Variants in NBAS observed in about 807,000 individuals in gnomAD.
NBAS encodes NBAS subunit of NRZ tethering complex, also known as NAG/BC035112 fusion.
In NBAS, 219 loss-of-function variants were observed where a neutral mutation model predicts 302.5. The observed-to-expected ratio is 0.72, with a 90% confidence interval of 0.65 to 0.81. The LOEUF is 0.81. NBAS is among the 30% of genes least tolerant of loss of function. NBAS has a pLI of 0.00. For missense variants in NBAS, 2,932 were observed against 2,841.6 expected (o/e 1.03, Z -0.72); for synonymous variants, 1,118 against 1,021.6 (o/e 1.09, Z -1.80).
chr2:15,293,107 T>C (rs1036666229), intron 40 of NBAS, among the ~76,000 whole-genome samples: 1 of 152,232 alleles, frequency 6.6e-6, no homozygotes, highest in South Asian at 2.1e-4. Flanking sequence ...GCCAACCATC[T>C]GATCACTCAC....
chr2:15,372,320 A>G (rs1197511255), intron 31 of NBAS, among the ~76,000 whole-genome samples: 2 of 152,234 alleles, frequency 1.3e-5, no homozygotes, highest in Non-Finnish European at 2.9e-5. Flanking sequence ...TCATTTTTAC[A>G]TGCGACTTCT....
chr2:15,447,880 G>A (rs1487071584), intron 21 of NBAS, among the ~76,000 whole-genome samples: 3 of 152,156 alleles, frequency 2.0e-5, no homozygotes, highest in African/African-American at 7.2e-5. Context: ...CCAGAAGCTA[G>A]GAAATCCAAA....
At chr2:15,033,103 G>A in the NBAS span, among the ~76,000 whole-genome samples, 1 of 152,218 alleles carries the variant, frequency 6.6e-6, no homozygotes. Context: ...CAGTGGGTCT[G>A]GAAAGTGGAA....
At chr2:15,270,410 A>G (rs1286940265) in intron 44 of NBAS, among the ~76,000 whole-genome samples, 1 of 152,000 alleles carries the variant, frequency 6.6e-6, no homozygotes, top group Non-Finnish European at 1.5e-5. Flanking sequence ...AGATCCACCC[A>G]CCTTGGGCTC....
the NBAS span, among the ~76,000 whole-genome samples, chr2:15,081,316 A>T: frequency 5.9e-5 from 9 of 151,716 alleles, no homozygotes; most frequent in Non-Finnish European, 1.3e-4. Flanking sequence ...TCAGGAGGCA[A>T]CTCCAAGGAG....
At chr2:14,811,451 C>T in the NBAS span, among the ~76,000 whole-genome samples, 9 of 152,142 alleles carry the variant, frequency 5.9e-5, no homozygotes, top group African/African-American at 1.9e-4. Flanking sequence ...CATTTTTAGA[C>T]AGTGGTTCTT....
At chr2:15,399,844 C>T (rs1676061556) in intron 26 of NBAS, among the ~76,000 whole-genome samples, 1 of 151,952 alleles carries the variant, frequency 6.6e-6, no homozygotes, top group African/African-American at 2.4e-5. Context: ...TTCAGAATGC[C>T]ATTGAACTTC....
chr2:14,783,225 G>A, the NBAS span, among the ~76,000 whole-genome samples: 1 of 152,104 alleles, frequency 6.6e-6, no homozygotes, highest in South Asian at 2.1e-4. Context: ...ACCCTGTTGT[G>A]ACTAAACGTA....
At chr2:15,454,312 TAGA>T (rs1213646537) in intron 21 of NBAS, among the ~76,000 whole-genome samples, 1 of 152,012 alleles carries the variant, frequency 6.6e-6, no homozygotes, top group Admixed American at 6.6e-5. Flanking sequence ...TATGGAAAAA[TAGA>T]GTTTATTTCC....
chr2:14,800,293 C>T, the NBAS span, among the ~76,000 whole-genome samples: 3 of 152,128 alleles, frequency 2.0e-5, no homozygotes, highest in Non-Finnish European at 4.4e-5. Flanking sequence ...GTGCTGTTCT[C>T]GTGATAGGGA....
intron 48 of NBAS, among the ~76,000 whole-genome samples, chr2:15,204,273 AAAAG>A (rs140841086): frequency 6.2e-4 from 94 of 152,238 alleles, no homozygotes; most frequent in African/African-American, 2.2e-3. Context: ...GAAAAATAGA[AAAAG>A]AAAAAGAAAA....
rs1005001307 is a variant in NBAS at position 15,254,825 on chromosome 2, T to A, written c.5725-16139A>T. ...TTTTCCACTCCTGAGTTACTTAGAA[T>A]AATGGTCTCCAACTCCATCCAGGTT... On this transcript the variant is annotated intron_variant, in intron 44 of 51. Coordinates refer to ENST00000281513, the MANE Select transcript of NBAS (RefSeq NM_015909.4). Among the ~76,000 whole-genome samples, 25 of 152,214 alleles carry A rather than the reference T, an allele frequency of 1.6e-4. 1 individual carries two copies. The highest frequency in any genetic ancestry group is 1.4e-3 in the Admixed American group (21 of 15,270).
intron 44 of NBAS, among the ~76,000 whole-genome samples, chr2:15,265,678 A>G (rs1447823665): frequency 1.3e-5 from 2 of 152,242 alleles, no homozygotes; most frequent in African/African-American, 4.8e-5. Context: ...TGGCCCATGC[A>G]TGGTTCAAAT....
chr2:15,330,483 A>G, intron 36 of NBAS, 115 bp downstream of exon 36: 2 of 1,376,830 alleles, frequency 1.5e-6, no homozygotes. Flanking sequence ...TTCTTAAGAG[A>G]TTGTTTTAAC....
the NBAS span, among the ~76,000 whole-genome samples, chr2:14,990,796 A>G: frequency 3.2e-4 from 48 of 152,160 alleles, no homozygotes; most frequent in African/African-American, 1.1e-3. Context: ...CAACATATAT[A>G]CTGAGGACAT....
the NBAS span, among the ~76,000 whole-genome samples, chr2:14,826,061 A>C: frequency 1.6e-4 from 25 of 152,200 alleles, no homozygotes; most frequent in African/African-American, 5.6e-4. Flanking sequence ...GAAGTAATAA[A>C]TGTTTTTTGT....
Position 15,475,805 on chromosome 2 carries a change from C to A in NBAS, c.1223G>T (p.Gly408Val), listed in dbSNP as rs1275850716. Residue 408 changes from glycine to valine, a missense_variant, in exon 14 of 52, where the codon GGT (glycine) becomes GTT (valine). By Grantham distance (109) the Gly-to-Val change is moderately radical. Transcript: ENST00000281513. ...DSAVTLARCS[G>V]ALTVSSVKTL... is the part of the protein sequence containing the mutation. ...TTTCACAGATGAAACAGTTAAAGCACCAGAGCATCGAGCTAAAGTCACTGC... is the reference window on the plus strand; with the variant it reads ...TTTCACAGATGAAACAGTTAAAGCAACAGAGCATCGAGCTAAAGTCACTGC... The A allele has an allele frequency of 6.2e-7, 1 of 1,614,058 alleles. No homozygotes were observed. The highest frequency in any genetic ancestry group is 8.5e-7 in the Non-Finnish European group (1 of 1,179,966).
At chr2:15,142,045 G>A in the NBAS span, among the ~76,000 whole-genome samples, 1 of 152,184 alleles carries the variant, frequency 6.6e-6, no homozygotes, top group Admixed American at 6.5e-5. Flanking sequence ...AATAAATCCA[G>A]CATTACCTCC....
At chr2:15,012,896 C>G in the NBAS span, among the ~76,000 whole-genome samples, 1 of 151,816 alleles carries the variant, frequency 6.6e-6, no homozygotes, top group Admixed American at 6.6e-5. Flanking sequence ...CTCACTTTGT[C>G]ACCCAGCCTG....
Sources: gnomAD v4.1 joint callset for allele counts (sites outside exome capture counted in the v4.1 genomes callset) on GRCh38, gnomAD v4.1.1 for gene constraint, MANE v1.5 for transcripts, NCBI Gene and HGNC (gene_info 2026-07-23, HGNC 2026-07-21) for gene names.